The following DENND2B variants were observed in gnomAD, a reference collection of about 807,000 sequenced individuals.
DENND2B encodes the protein DENN domain-containing protein 2B.
A neutral mutation model predicts 116.0 loss-of-function variants in DENND2B; 32 were observed. The ratio of observed to expected loss-of-function variants is 0.28; its 90% confidence interval spans 0.21 to 0.37. DENND2B has a LOEUF of 0.37. Among genes scored for constraint, DENND2B ranks in the 10% least tolerant of loss-of-function variants. The pLI is 1.00. For synonymous variants in DENND2B, 588 were observed against 583.9 expected (o/e 1.01, Z -0.10); for missense variants, 1,276 against 1,477.7 (o/e 0.86, Z 2.24).
At chr11:8,701,612 C>T (rs534445610) in intron 14 of DENND2B, among the ~76,000 whole-genome samples, 15 of 152,180 alleles carry the variant, frequency 9.9e-5, no homozygotes, top group Admixed American at 4.6e-4. Context: ...TTATCTAAAC[C>T]AGCATAAGAA....
chr11:8,804,099 A>G (rs2060604224), intron 1 of DENND2B, among the ~76,000 whole-genome samples: 1 of 152,338 alleles, frequency 6.6e-6, no homozygotes, highest in South Asian at 2.1e-4. Flanking sequence ...GAACCTGTGA[A>G]GCTGGGTTGA....
intron 1 of DENND2B, among the ~76,000 whole-genome samples, chr11:8,760,478 G>A (rs1404480086): frequency 6.6e-6 from 1 of 152,086 alleles, no homozygotes; most frequent in African/African-American, 2.4e-5. Flanking sequence ...TTAGCAGGAG[G>A]TTGGTGATGC....
At chr11:8,806,301 C>A (rs1411251107) in intron 1 of DENND2B, among the ~76,000 whole-genome samples, 1 of 152,188 alleles carries the variant, frequency 6.6e-6, no homozygotes, top group African/African-American at 2.4e-5. Context: ...GATGACAGGT[C>A]ACACAGAGGA....
At position 8,750,721 on chromosome 11, in the gene DENND2B, G is replaced by A. The variant is rs372841546; in HGVS notation, c.-21C>T. On this transcript the variant is annotated 5_prime_UTR_variant, in exon 2 of 20. Transcript: ENST00000313726. ...GTCATTTCGGCTCTCTGCAAACCCA[G>A]AGCCCTGCAAAGACGACAATGCCGG... 4.3e-6 allele frequency: 7 copies of A among 1,614,028 alleles called. No homozygotes were observed. In the African/African-American group the frequency reaches 9.3e-5, roughly 22 times the overall value.
intron 2 of DENND2B, among the ~76,000 whole-genome samples, chr11:8,737,586 T>C (rs151014722): frequency 1.3e-5 from 2 of 152,268 alleles, no homozygotes; most frequent in African/African-American, 4.8e-5. Context: ...CTTTTAGAGT[T>C]TTCCTAAAAA....
chr11:8,729,683 C>G (rs2047754007), intron 3 of DENND2B, among the ~76,000 whole-genome samples: 1 of 152,182 alleles, frequency 6.6e-6, no homozygotes, highest in Non-Finnish European at 1.5e-5. Context: ...CCAGCTCTAC[C>G]CCAAAGGCCA....
intron 1 of DENND2B, among the ~76,000 whole-genome samples, chr11:8,906,081 T>C (rs1036404377): frequency 6.6e-6 from 1 of 151,848 alleles, no homozygotes; most frequent in African/African-American, 2.4e-5. Flanking sequence ...ATGACAGTGT[T>C]CCAAAACTGC....
chr11:8,783,706 C>CA (rs1203184781), intron 1 of DENND2B, among the ~76,000 whole-genome samples: 2 of 151,954 alleles, frequency 1.3e-5, no homozygotes, highest in African/African-American at 4.8e-5. Flanking sequence ...TAATTTCACG[C>CA]AAAAAGAAAA....
chr11:8,805,141 C>T (rs10840127), intron 1 of DENND2B, among the ~76,000 whole-genome samples: 107,372 of 152,086 alleles, frequency 0.71, 38,237 homozygotes, highest in East Asian at 0.95. Context: ...CAAGGTCAGG[C>T]TCTAAAGCTA....
chr11:8,904,508 T>C (rs1436744227), intron 1 of DENND2B, among the ~76,000 whole-genome samples: 1 of 152,184 alleles, frequency 6.6e-6, no homozygotes, highest in Non-Finnish European at 1.5e-5. Flanking sequence ...GCCTCTAAAA[T>C]TGGGAACAAG....
At chr11:8,789,436 A>G (rs1040359694) in intron 1 of DENND2B, among the ~76,000 whole-genome samples, 4 of 152,234 alleles carry the variant, frequency 2.6e-5, no homozygotes, top group Non-Finnish European at 4.4e-5. Context: ...AATGAAAACT[A>G]TAATTTCACG....
intron 2 of DENND2B, among the ~76,000 whole-genome samples, chr11:8,864,451 A>AT (rs934473875): frequency 6.6e-6 from 1 of 152,014 alleles, no homozygotes; most frequent in African/African-American, 2.4e-5. Context: ...TATTTTTTTC[A>AT]TAAGGACAGA....
At chr11:8,745,181 A>T (rs762961216) in intron 2 of DENND2B, among the ~76,000 whole-genome samples, 1 of 152,104 alleles carries the variant, frequency 6.6e-6, no homozygotes, top group Non-Finnish European at 1.5e-5. Context: ...CAATCTCCAG[A>T]GTAGCTGGGA....
At chr11:8,812,485 G>T (rs1294166084), upstream of DENND2B, among the ~76,000 whole-genome samples, 6 of 152,020 alleles carry the variant, frequency 3.9e-5, no homozygotes, top group Non-Finnish European at 5.9e-5. Context: ...TAATTTAACA[G>T]ATTTTTTTTT....
At chr11:8,879,873 T>A (rs1428586614) in intron 2 of DENND2B, among the ~76,000 whole-genome samples, 1 of 152,160 alleles carries the variant, frequency 6.6e-6, no homozygotes, top group Admixed American at 6.6e-5. Flanking sequence ...CTTAGTGAAT[T>A]CAAATAAGCA....
rs1330699302 is a variant in DENND2B at position 8,801,690 on chromosome 11, AAAG to A, written c.-26+8824_-26+8826del. 2.0e-3 allele frequency among the ~76,000 whole-genome samples: 10 copies of A among 5,106 alleles called. No individual in the cohort carries two copies. In the Non-Finnish European group the frequency reaches 0.047, roughly 24 times the overall value. 3.3% of individuals were successfully genotyped at this position (5,106 alleles called of 152,430 possible). A position where few individuals can be genotyped will look rare whatever the true frequency, so the allele number is the denominator to read the frequency against. ...AGACTTTGTCTCAAAAAAAAAAAAA[AAAG>A]AAAGAAAGAAACAAACAAACACTCC... On this transcript the variant is annotated intron_variant, in intron 1 of 19. Coordinates refer to ENST00000313726, the MANE Select transcript of DENND2B (RefSeq NM_213618.2).
At chr11:8,806,940 A>C (rs2060915746) in intron 1 of DENND2B, among the ~76,000 whole-genome samples, 1 of 145,156 alleles carries the variant, frequency 6.9e-6, no homozygotes. Flanking sequence ...TTTTCGCTCT[A>C]TGCCCTCCTG....
intron 2 of DENND2B, among the ~76,000 whole-genome samples, chr11:8,732,328 A>G (rs2048257683): frequency 6.6e-6 from 1 of 152,248 alleles, no homozygotes; most frequent in Non-Finnish European, 1.5e-5. Flanking sequence ...CATTTTACAA[A>G]TAAAAAACAC....
At chr11:8,775,771 A>G (rs939312201) in intron 1 of DENND2B, among the ~76,000 whole-genome samples, 7 of 152,054 alleles carry the variant, frequency 4.6e-5, no homozygotes, top group African/African-American at 1.4e-4. Context: ...CCACTTTATC[A>G]CCTCATACCT....
Sources: allele counts gnomAD v4.1 joint callset (sites outside exome capture counted in the v4.1 genomes callset), GRCh38; gene constraint gnomAD v4.1.1; transcripts MANE v1.5; gene names NCBI Gene and HGNC (gene_info 2026-07-23, HGNC 2026-07-21).